Variants in TAOK1 observed in about 807,000 individuals in gnomAD.
TAOK1 encodes the protein TAO kinase 1, also known as serine/threonine-protein kinase TAO1.
TAOK1 carries 21 observed loss-of-function variants against 138.3 expected under a neutral mutation model. That is an observed-to-expected ratio of 0.15 (90% confidence interval 0.11 to 0.22). The LOEUF (loss-of-function observed/expected upper bound fraction) is 0.22. TAOK1 is among the 10% of genes least tolerant of loss of function. TAOK1 has a pLI of 1.00. For missense variants in TAOK1, 651 were observed against 1,227.7 expected (o/e 0.53, Z 7.02); for synonymous variants, 361 against 398.4 (o/e 0.91, Z 1.12).
chr17:29,480,392 T>A lies in TAOK1; in HGVS notation c.474T>A (p.Leu158=), dbSNP rs1436165045. 1 of 1,612,906 alleles carries A rather than the reference T, an allele frequency of 6.2e-7. No individual in the cohort carries two copies. The highest frequency in any genetic ancestry group is 1.7e-5 in the Admixed American group (1 of 59,946). ...IHRDIKAGNI[L]LTEPGQVKLA... ...GAGATATCAAAGCAGGAAATATCCT[T>A]CTGACAGAACCAGGCCAGGTGAAAC... Residue 158 remains leucine, a synonymous_variant, in exon 7 of 20, where the codon CTT becomes CTA. Transcript: ENST00000261716.
At chr17:29,534,074 A>C in intron 18 of TAOK1, 44 bp from the exon 19 acceptor site, 1 of 1,540,216 alleles carries the variant, frequency 6.5e-7, no homozygotes, top group Non-Finnish European at 8.7e-7. Flanking sequence ...GATAGCTAAC[A>C]TTAGGATATA....
intron 16 of TAOK1, among the ~76,000 whole-genome samples, chr17:29,521,529 C>T (rs1412300644): frequency 2.0e-5 from 3 of 152,208 alleles, no homozygotes; most frequent in Non-Finnish European, 4.4e-5. Context: ...GGTCTCACTG[C>T]TCACAAGTAG....
At chr17:29,462,045 C>T (rs764189854) in intron 2 of TAOK1, among the ~76,000 whole-genome samples, 2 of 152,162 alleles carry the variant, frequency 1.3e-5, no homozygotes, top group Non-Finnish European at 2.9e-5. Flanking sequence ...TACATTTCCT[C>T]TCATCCCCAC....
At chr17:29,489,873 T>C (rs1346609995) in intron 9 of TAOK1, 116 bp downstream of exon 9, 4 of 569,162 alleles carry the variant, frequency 7.0e-6, no homozygotes, top group African/African-American at 3.9e-5. Flanking sequence ...TTATAAGATA[T>C]TAAAATAGAT....
intron 18 of TAOK1, 80 bp downstream of exon 18, chr17:29,530,699 G>A: frequency 8.4e-7 from 1 of 1,188,730 alleles, no homozygotes. Context: ...AGCAATTAAA[G>A]TACTAGTTGG....
Position 29,548,700 on chromosome 17 carries a change from T to A in TAOK1, c.*5678T>A, listed in dbSNP as rs2032443310. 1 of 152,156 alleles carries A rather than the reference T, an allele frequency of 6.6e-6. No homozygotes were observed. The highest frequency in any genetic ancestry group is 2.1e-4 in the South Asian group (1 of 4,830). The allele number at this position is 152,156 out of a possible 1,614,324, so 9.4% of individuals were successfully genotyped here. On this transcript the variant is annotated 3_prime_UTR_variant, in exon 20 of 20. Transcript: ENST00000261716. ...TTCAGCACTTGTGAGTGAAAAATCA[T>A]GTAATTATCTGTAAATATGTAGCTA...
At chr17:29,410,071 G>A (rs1272630724) in intron 1 of TAOK1, among the ~76,000 whole-genome samples, 1 of 152,046 alleles carries the variant, frequency 6.6e-6, no homozygotes, top group African/African-American at 2.4e-5. Context: ...ATGTATTCAC[G>A]GATATGTATG....
intron 1 of TAOK1, among the ~76,000 whole-genome samples, chr17:29,412,341 C>T (rs1466487758): frequency 1.3e-5 from 2 of 152,172 alleles, no homozygotes; most frequent in African/African-American, 2.4e-5. Flanking sequence ...CCATGCCCAG[C>T]CGATACAGCC....
At chr17:29,409,333 A>ATATATTTTTT (rs1348702470) in intron 1 of TAOK1, among the ~76,000 whole-genome samples, 1 of 59,056 alleles carries the variant, frequency 1.7e-5, no homozygotes, top group African/African-American at 6.7e-5. Flanking sequence ...ATATATATAT[A>ATATATTTTTT]TTTTTTTTTT....
intron 1 of TAOK1, among the ~76,000 whole-genome samples, chr17:29,412,263 G>A (rs546949148): frequency 2.6e-5 from 4 of 152,160 alleles, no homozygotes; most frequent in East Asian, 1.9e-4. Flanking sequence ...GGTTGGTCTC[G>A]AACTCCTGAC....
intron 1 of TAOK1, among the ~76,000 whole-genome samples, chr17:29,404,988 C>T (rs1280751116): frequency 6.6e-6 from 1 of 151,930 alleles, no homozygotes; most frequent in African/African-American, 2.4e-5. Flanking sequence ...AAACAGTGTC[C>T]TTTGTTTTGA....
At chr17:29,396,709 T>G (rs895026014) in intron 1 of TAOK1, among the ~76,000 whole-genome samples, 2 of 152,088 alleles carry the variant, frequency 1.3e-5, no homozygotes, top group African/African-American at 2.4e-5. Context: ...TACTATATAT[T>G]AATGTTGGCT....
rs1419655213 is a variant in TAOK1 at position 29,546,719 on chromosome 17, T to G, written c.*3697T>G. On this transcript the variant is annotated 3_prime_UTR_variant, in exon 20 of 20. Coordinates refer to ENST00000261716, the MANE Select transcript of TAOK1 (RefSeq NM_020791.4). ...TGTATGTATATATTGTATATACATA[T>G]GAGTGTCTGTATGTGTGTATAGATG... 6.6e-6 allele frequency: 1 copy of G among 152,134 alleles called. No homozygotes were observed. Among genetic ancestry groups the G allele is most frequent in the Non-Finnish European group, 1.5e-5 (1 of 67,980 alleles). The allele number at this position is 152,134 out of a possible 1,614,324, so 9.4% of individuals were successfully genotyped here. A position where few individuals can be genotyped will look rare whatever the true frequency, so the allele number is the denominator to read the frequency against.
rs570700382 is a variant in TAOK1, at chr17:29,427,541, A to G, written c.-94-23914A>G. 2.5e-3 allele frequency among the ~76,000 whole-genome samples: 381 copies of G among 151,910 alleles called. 3 individuals are homozygous for G. Among genetic ancestry groups the G allele is most frequent in the African/African-American group, 8.0e-3 (330 of 41,428 alleles). On this transcript the variant is annotated intron_variant, in intron 1 of 19. Transcript: ENST00000261716. ...GAACTCCGTCTCAAAAAAAAAAAAA[A>G]AAAGAAAGAAATGCTTTAGAGATCT...
At chr17:29,467,827 ATTTT>A (rs2030709025) in intron 3 of TAOK1, among the ~76,000 whole-genome samples, 1 of 150,016 alleles carries the variant, frequency 6.7e-6, no homozygotes, top group African/African-American at 2.5e-5. Context: ...TTATTTATTT[ATTTT>A]TATTTTTTTT....
intron 3 of TAOK1, among the ~76,000 whole-genome samples, chr17:29,472,833 C>T (rs1358577697): frequency 1.3e-5 from 2 of 152,164 alleles, no homozygotes; most frequent in Non-Finnish European, 2.9e-5. Flanking sequence ...GCCTCGGCCT[C>T]CCAAAGTGCT....
chr17:29,517,876 A>C (rs934943607), intron 16 of TAOK1, among the ~76,000 whole-genome samples: 1 of 151,566 alleles, frequency 6.6e-6, no homozygotes, highest in Non-Finnish European at 1.5e-5. Context: ...TTTTTTTTTC[A>C]AGACAGTCTC....
At chr17:29,485,637 TAAAC>T (rs974951409) in intron 8 of TAOK1, among the ~76,000 whole-genome samples, 1 of 149,874 alleles carries the variant, frequency 6.7e-6, no homozygotes, top group Non-Finnish European at 1.5e-5. Flanking sequence ...AGGCCCTTTC[TAAAC>T]AAACAAATTA....
In TAOK1 at chr17:29,546,058, C is replaced by T. The variant is rs181483798; in HGVS notation, c.*3036C>T. On this transcript the variant is annotated 3_prime_UTR_variant, in exon 20 of 20. Coordinates refer to ENST00000261716, the MANE Select transcript of TAOK1 (RefSeq NM_020791.4). ...CTTCCCTTTGCACATATTTTTTCCTCCCCTTATTGAAGTCAGCTCTAACCC... is the reference window on the plus strand; with the variant it reads ...CTTCCCTTTGCACATATTTTTTCCTTCCCTTATTGAAGTCAGCTCTAACCC... 188 of 152,164 alleles carry T rather than the reference C, an allele frequency of 1.2e-3. No individual in the cohort carries two copies. Among genetic ancestry groups the T allele is most frequent in the African/African-American group, 4.1e-3 (172 of 41,536 alleles). 9.4% of individuals were successfully genotyped at this position (152,164 alleles called of 1,614,324 possible).
Sources: allele counts gnomAD v4.1 joint callset (sites outside exome capture counted in the v4.1 genomes callset), GRCh38; gene constraint gnomAD v4.1.1; transcripts MANE v1.5; gene names NCBI Gene and HGNC (gene_info 2026-07-23, HGNC 2026-07-21).